Variants in RB1 observed in about 807,000 individuals in gnomAD.
RB1 encodes RB transcriptional corepressor 1.
Under a neutral mutation model 135.4 loss-of-function variants are expected in RB1, and 18 were observed. The ratio of observed to expected loss-of-function variants is 0.13; its 90% CI spans 0.09 to 0.20. The LOEUF (loss-of-function observed/expected upper bound fraction) is 0.20. Ranked by LOEUF, RB1 falls within the 10% of genes least tolerant of loss-of-function variation. The pLI, the probability that RB1 is intolerant of heterozygous loss-of-function variation, is 1.00. For synonymous variants in RB1, 365 were observed against 373.2 expected, an observed-to-expected ratio of 0.98 and a Z score of 0.25; for missense variants, 868 against 1,110.0, an observed-to-expected ratio of 0.78 and a Z score of 3.10.
intron 2 of RB1, among the ~76,000 whole-genome samples, chr13:48,322,997 T>C (rs1952254502): frequency 6.6e-6 from 1 of 152,122 alleles, no homozygotes; most frequent in Non-Finnish European, 1.5e-5. Context: ...GCTGTCTTTG[T>C]CTGATTTTAG....
intron 7 of RB1, 105 bp from the exon 8 acceptor site, chr13:48,362,710 T>C: frequency 8.3e-7 from 1 of 1,199,628 alleles, no homozygotes; most frequent in Non-Finnish European, 1.2e-6. Context: ...GTAAAAGTAG[T>C]AGAATGTTAC....
intron 17 of RB1, chr13:48,424,193 A>T (rs150918545): frequency 6.6e-6 from 1 of 152,566 alleles, no homozygotes; most frequent in African/African-American, 2.4e-5. Flanking sequence ...TTGACAGAAT[A>T]TATTTATTTT....
intron 1 of RB1, 131 bp downstream of exon 1, chr13:48,304,180 C>T: frequency 1.9e-6 from 2 of 1,030,576 alleles, no homozygotes; most frequent in South Asian, 2.8e-5. Flanking sequence ...AGGCGCCCTC[C>T]CTGCCCCCCG....
Position 48,364,917 on chromosome 13 carries a change from T to C in RB1, c.885T>C (p.Asn295=). ...AGGTGAAAAATGTTTATTTCAAAAA[T>C]TTTATACCTTTTATGAATTCTCTTG... ...IDEVKNVYFK[N]FIPFMNSLGL... The change falls in exon 9 of 27, where the codon AAT becomes AAC. Residue 295 remains asparagine, a synonymous_variant. Coordinates refer to ENST00000267163, the MANE Select transcript of RB1 (RefSeq NM_000321.3). 6.4e-7 allele frequency: 1 copy of C among 1,563,386 alleles called. No individual in the cohort carries two copies. Among genetic ancestry groups the C allele is most frequent in the Non-Finnish European group, 8.7e-7 (1 of 1,150,340 alleles).
intron 2 of RB1, among the ~76,000 whole-genome samples, chr13:48,310,360 A>G (rs945399971): frequency 2.0e-5 from 3 of 152,096 alleles, no homozygotes; most frequent in African/African-American, 7.2e-5. Context: ...AAAGTAGGTG[A>G]TGTTTATTGG....
rs2138136532 is a variant in RB1 at position 48,376,986 on chromosome 13, G to A, written c.1284G>A (p.Glu428=). ...AGGATATAGGATACATCTTTAAAGA[G>A]AAATTTGCTAAAGCTGTGGGACAGG... The part of the protein sequence containing the change: ...RVKDIGYIFK[E]KFAKAVGQGC... Residue 428 remains glutamate (E), a synonymous_variant, in exon 13 of 27, where the codon GAG becomes GAA. Coordinates refer to ENST00000267163, the MANE Select transcript of RB1 (RefSeq NM_000321.3). The A allele has an allele frequency of 1.2e-6, 2 of 1,613,814 alleles. No individual in the cohort carries two copies. Among genetic ancestry groups the A allele is most frequent in the Non-Finnish European group, 1.7e-6 (2 of 1,179,872 alleles).
In RB1 at chr13:48,381,241, T is replaced by A. The variant is rs1213318015; in HGVS notation, c.1499-6T>A. ...ATAAATAGTTACTTTTTTTTTTCAT[T>A]TTTAGGAAGTACATCTCAGAATCTT... On this transcript the variant is annotated splice_polypyrimidine_tract_variant and splice_region_variant and intron_variant, in intron 16 of 26. Transcript: ENST00000267163. 6.3e-7 allele frequency: 1 copy of A among 1,599,902 alleles called. No individual in the cohort carries two copies. The highest frequency in any genetic ancestry group is 1.1e-5 in the South Asian group (1 of 88,066).
At chr13:48,387,848 A>G (rs1948582518) in intron 17 of RB1, among the ~76,000 whole-genome samples, 1 of 152,124 alleles carries the variant, frequency 6.6e-6, no homozygotes, top group Non-Finnish European at 1.5e-5. Flanking sequence ...TAAGAATATA[A>G]AAGGGTTTTG....
intron 2 of RB1, among the ~76,000 whole-genome samples, chr13:48,313,909 C>T (rs576344358): frequency 2.6e-4 from 40 of 152,060 alleles, no homozygotes; most frequent in African/African-American, 7.7e-4. Flanking sequence ...CCACCACGCC[C>T]GGCTAATTTT....
intron 2 of RB1, among the ~76,000 whole-genome samples, chr13:48,316,442 T>C (rs1952183731): frequency 1.3e-5 from 2 of 152,178 alleles, no homozygotes; most frequent in South Asian, 4.1e-4. Flanking sequence ...TCAGAGTCTC[T>C]GTGAACTTGG....
chr13:48,471,574 A>T lies in RB1; in HGVS notation c.2490-1786A>T, dbSNP rs202110782. On this transcript the variant is annotated intron_variant, in intron 23 of 26. Transcript: ENST00000267163. ...TTAGAGTATAATAAAAAATATAAATAAAAAAAAAAAAAAGAAAATCTATTT... is the reference window on the plus strand; with the variant it reads ...TTAGAGTATAATAAAAAATATAAATTAAAAAAAAAAAAAGAAAATCTATTT... Among the ~76,000 whole-genome samples the T allele has an allele frequency of 9.9e-3, 42 of 4,230 alleles. 1 individual carries two copies. Among genetic ancestry groups the T allele is most frequent in the Non-Finnish European group, 0.037 (3 of 80 alleles). 2.8% of individuals were successfully genotyped at this position (4,230 alleles called of 152,430 possible).
chr13:48,446,832 T>C (rs1216766067), intron 17 of RB1, among the ~76,000 whole-genome samples: 2 of 152,210 alleles, frequency 1.3e-5, no homozygotes, highest in African/African-American at 4.8e-5. Context: ...CCAGAACTCA[T>C]GTAGTGTTTT....
At chr13:48,412,148 A>C in intron 17 of RB1, 7 of 1,614,014 alleles carry the variant, frequency 4.3e-6, no homozygotes, top group Non-Finnish European at 5.9e-6. Context: ...ACAGCATCAC[A>C]GAAATCTTAC....
chr13:48,367,459 T>C lies in RB1; in HGVS notation c.940-35T>C, dbSNP rs148641922. 5.5e-4 allele frequency: 876 copies of C among 1,589,076 alleles called. 1 individual carries two copies. The highest frequency in any genetic ancestry group is 7.2e-4 in the Non-Finnish European group (835 of 1,165,148). The stretch of plus-strand genomic sequence containing the variant: ...GTGTGCTGAGAGATGTAATGACATG[T>C]AAAGGATAATTGTCAGTGACTTTTT... On this transcript the variant is annotated intron_variant, in intron 9 of 26. Transcript: ENST00000267163.
chr13:48,312,569 T>C (rs1270490244), intron 2 of RB1, among the ~76,000 whole-genome samples: 2 of 152,220 alleles, frequency 1.3e-5, no homozygotes, highest in African/African-American at 2.4e-5. Context: ...TTTACCTTGG[T>C]ATTCAGTGTC....
At chr13:48,433,771 G>A (rs1949155106) in intron 17 of RB1, among the ~76,000 whole-genome samples, 1 of 151,254 alleles carries the variant, frequency 6.6e-6, no homozygotes, top group African/African-American at 2.4e-5. Context: ...AGACAAATAA[G>A]GACTTTGGCT....
chr13:48,325,620 G>A (rs1254734123), intron 2 of RB1, among the ~76,000 whole-genome samples: 2 of 152,010 alleles, frequency 1.3e-5, no homozygotes, highest in Admixed American at 6.6e-5. Context: ...TCTACACCTT[G>A]CTTTTTTCAT....
At chr13:48,322,818 A>G (rs1279704261) in intron 2 of RB1, among the ~76,000 whole-genome samples, 1 of 152,170 alleles carries the variant, frequency 6.6e-6, no homozygotes, top group East Asian at 1.9e-4. Context: ...GTAGTATATT[A>G]GTTGATTTTC....
At chr13:48,401,090 G>A (rs1948687775) in intron 17 of RB1, among the ~76,000 whole-genome samples, 1 of 152,090 alleles carries the variant, frequency 6.6e-6, no homozygotes, top group African/African-American at 2.4e-5. Flanking sequence ...AATCATGTCA[G>A]TAATTACCCT....
Sources: gnomAD v4.1 joint callset for allele counts (sites outside exome capture counted in the v4.1 genomes callset) on GRCh38, gnomAD v4.1.1 for gene constraint, MANE v1.5 for transcripts, NCBI Gene and HGNC (gene_info 2026-07-23, HGNC 2026-07-21) for gene names.